LRCH1: variants seen among roughly 807,000 people sequenced by gnomAD.
The protein encoded by LRCH1 is leucine-rich repeat and calponin homology domain-containing protein 1.
In LRCH1, 23 loss-of-function variants were observed where a neutral mutation model predicts 94.9. The ratio of observed to expected loss-of-function variants is 0.24; its 90% CI spans 0.17 to 0.34. LRCH1 has a LOEUF of 0.34. Among genes scored for constraint, LRCH1 ranks in the 10% least tolerant of loss-of-function variants. LRCH1 has a pLI of 1.00. For missense variants in LRCH1, 790 were observed against 945.9 expected (o/e 0.84, Z 2.16); for synonymous variants, 364 against 354.9 (o/e 1.03, Z -0.29).
intron 1 of LRCH1, among the ~76,000 whole-genome samples, chr13:46,613,999 G>C (rs1469203244): frequency 1.4e-5 from 2 of 142,792 alleles, no homozygotes; most frequent in Non-Finnish European, 3.1e-5. Context: ...TTTCTTTTTT[G>C]TTTTAAATTG....
At chr13:46,609,153 G>C (rs1212282151) in intron 1 of LRCH1, among the ~76,000 whole-genome samples, 1 of 152,208 alleles carries the variant, frequency 6.6e-6, no homozygotes, top group African/African-American at 2.4e-5. Flanking sequence ...TTTCTGCACA[G>C]AGTGGTCATA....
At chr13:46,690,499 T>C (rs1870838480) in intron 7 of LRCH1, among the ~76,000 whole-genome samples, 1 of 152,168 alleles carries the variant, frequency 6.6e-6, no homozygotes, top group African/African-American at 2.4e-5. Flanking sequence ...AATAAAACAT[T>C]ACATAAAGAA....
intron 1 of LRCH1, among the ~76,000 whole-genome samples, chr13:46,645,867 C>T (rs149140556): frequency 6.6e-5 from 10 of 152,302 alleles, no homozygotes; most frequent in Middle Eastern, 3.4e-3. Flanking sequence ...AAATATTCTA[C>T]GCACATGTAT....
At chr13:46,694,829 C>T in intron 8 of LRCH1, 64 bp from the exon 9 acceptor site, 1 of 1,550,530 alleles carries the variant, frequency 6.4e-7, no homozygotes, top group Non-Finnish European at 8.9e-7. Context: ...ATTTGAAGAT[C>T]AGCTGTGTTT....
At chr13:46,657,710 G>GTTTTTTTTTTTTTTTT (rs2051394622) in intron 2 of LRCH1, among the ~76,000 whole-genome samples, 1 of 14,216 alleles carries the variant, frequency 7.0e-5, no homozygotes, top group Admixed American at 1.1e-3. Flanking sequence ...TTTTTTTTTG[G>GTTTTTTTTTTTTTTTT]TAGAGATGGA....
intron 14 of LRCH1, 130 bp downstream of exon 14, chr13:46,711,974 ACT>A (rs1353460951): frequency 4.7e-6 from 3 of 637,338 alleles, no homozygotes; most frequent in African/African-American, 3.7e-5. Context: ...AATCCGTCTA[ACT>A]CTCATTAGCT....
At chr13:46,607,150 A>G (rs2137994678) in intron 1 of LRCH1, among the ~76,000 whole-genome samples, 1 of 152,330 alleles carries the variant, frequency 6.6e-6, no homozygotes, top group South Asian at 2.1e-4. Context: ...GAGTTAGATA[A>G]GGAGGTGGCT....
intron 16 of LRCH1, chr13:46,717,708 A>G (rs1245745439): frequency 6.6e-6 from 1 of 152,156 alleles, no homozygotes; most frequent in Non-Finnish European, 1.5e-5. Context: ...ATGTAACTTG[A>G]CTTTTATTTA....
At chr13:46,563,643 T>C (rs1490515949) in intron 1 of LRCH1, among the ~76,000 whole-genome samples, 1 of 152,248 alleles carries the variant, frequency 6.6e-6, no homozygotes, top group Non-Finnish European at 1.5e-5. Context: ...ATGTATGTAA[T>C]AGATGTTTCA....
chr13:46,670,661 C>CCG (rs200840546), intron 3 of LRCH1, among the ~76,000 whole-genome samples: 9 of 151,824 alleles, frequency 5.9e-5, no homozygotes, highest in African/African-American at 2.2e-4. Flanking sequence ...CCATCCCCCC[C>CCG]CAACCCTGTC....
intron 9 of LRCH1, among the ~76,000 whole-genome samples, chr13:46,696,320 G>T (rs139805417): frequency 1.9e-4 from 29 of 152,236 alleles, no homozygotes; most frequent in Non-Finnish European, 3.8e-4. Flanking sequence ...GGCTTCCCCA[G>T]ATTAGACCCT....
intron 18 of LRCH1, chr13:46,750,453 A>G (rs1874078569): frequency 2.1e-6 from 2 of 934,666 alleles, no homozygotes; most frequent in Non-Finnish European, 3.4e-6. Flanking sequence ...TATTCAACCT[A>G]ACTTTGATGT....
intron 1 of LRCH1, among the ~76,000 whole-genome samples, chr13:46,605,925 C>T (rs913897295): frequency 4.6e-5 from 7 of 152,112 alleles, no homozygotes; most frequent in Middle Eastern, 3.2e-3. Flanking sequence ...TAGATATTGT[C>T]GGGTTCAATA....
intron 3 of LRCH1, among the ~76,000 whole-genome samples, chr13:46,674,035 G>A (rs2051638900): frequency 1.3e-5 from 2 of 152,162 alleles, no homozygotes; most frequent in Non-Finnish European, 2.9e-5. Flanking sequence ...ACCCACCTTG[G>A]CCTCCCAAAG....
intron 1 of LRCH1, among the ~76,000 whole-genome samples, chr13:46,615,037 TTAGG>T (rs1380642554): frequency 1.3e-5 from 2 of 152,232 alleles, no homozygotes; most frequent in South Asian, 4.1e-4. Flanking sequence ...GATGAATTAA[TTAGG>T]TAGGTAATAA....
At chr13:46,741,335 T>C (rs1376193628) in intron 19 of LRCH1, among the ~76,000 whole-genome samples, 2 of 152,212 alleles carry the variant, frequency 1.3e-5, no homozygotes. Context: ...GAGCACATGA[T>C]ACCTTGAATA....
intron 1 of LRCH1, among the ~76,000 whole-genome samples, chr13:46,617,268 T>C (rs1410786466): frequency 6.7e-6 from 1 of 148,904 alleles, no homozygotes; most frequent in East Asian, 2.3e-4. Flanking sequence ...AGCAGAGGAG[T>C]GTGAGTTAGA....
intron 1 of LRCH1, among the ~76,000 whole-genome samples, chr13:46,626,084 TTTTTATGTTTCTTTTTAATTAAA>T (rs1297419729): frequency 6.6e-6 from 1 of 152,186 alleles, no homozygotes; most frequent in Non-Finnish European, 1.5e-5. Flanking sequence ...TTCCTTCATG[TTTTTATGTTTCTTTTTAATTAAA>T]TTTTAAGCCT....
chr13:46,567,597 A>T (rs951648286), intron 1 of LRCH1, among the ~76,000 whole-genome samples: 29 of 151,860 alleles, frequency 1.9e-4, no homozygotes, highest in African/African-American at 7.0e-4. Context: ...TCCATCGGTT[A>T]TAGGCTTGTA....
Sources: gnomAD v4.1 joint callset for allele counts (sites outside exome capture counted in the v4.1 genomes callset) on GRCh38, gnomAD v4.1.1 for gene constraint, MANE v1.5 for transcripts, NCBI Gene and HGNC (gene_info 2026-07-23, HGNC 2026-07-21) for gene names.